MYO7B: variants seen among roughly 807,000 people sequenced by gnomAD.
MYO7B encodes unconventional myosin-VIIb.
In MYO7B, 212 loss-of-function variants were observed where a neutral mutation model predicts 259.7. That is an observed-to-expected ratio of 0.82 (90% CI 0.73 to 0.91). The LOEUF is 0.91. Ranked by LOEUF, MYO7B falls within the 40% of genes least tolerant of loss-of-function variation. The pLI is 0.00. For missense variants in MYO7B, 2,732 were observed against 2,813.5 expected, an observed-to-expected ratio of 0.97 and a Z score of 0.66; for synonymous variants, 1,197 against 1,166.4, an observed-to-expected ratio of 1.03 and a Z score of -0.54.
intron 2 of MYO7B, among the ~76,000 whole-genome samples, chr2:127,563,664 CCT>C (rs1445157908): frequency 6.6e-6 from 1 of 152,118 alleles, no homozygotes; most frequent in African/African-American, 2.4e-5. Flanking sequence ...TGAACTTTGC[CCT>C]CTCTTTCTGG....
In MYO7B at chr2:127,590,735, A is replaced by C. The variant is rs1190385663; in HGVS notation, c.1992+506A>C. On this transcript the variant is annotated intron_variant, in intron 16 of 47. Coordinates refer to ENST00000409816, the MANE Select transcript of MYO7B (RefSeq NM_001393586.1). This position sits in a 1 kb window ranked among gnomAD's most constrained non-coding sequence, Gnocchi z 4.6. ...AGCCCACACTCCCTGCCCACAACGG[A>C]GTCCCTGCTCCATTGGGTGGGGAGT... Among the ~76,000 whole-genome samples, 1 of 152,222 alleles carries C rather than the reference A, an allele frequency of 6.6e-6. No homozygotes were observed. The highest frequency in any genetic ancestry group is 1.5e-5 in the Non-Finnish European group (1 of 68,028).
At chr2:127,566,884 A>G in intron 5 of MYO7B, 57 bp downstream of exon 5, 1 of 1,544,228 alleles carries the variant, frequency 6.5e-7, no homozygotes, top group African/African-American at 1.4e-5. Context: ...GCTCCCCACC[A>G]GCATGCCTGC....
rs1678357226 is a variant in MYO7B, at chr2:127,566,658, ATCCTGGTGGCCGTCAACCCGT to A, written c.305_325del (p.Leu102_Phe108del). 6 of 1,593,792 alleles carry A rather than the reference ATCCTGGTGGCCGTCAACCCGT, an allele frequency of 3.8e-6. No homozygotes were observed. The highest frequency in any genetic ancestry group is 5.1e-6 in the Non-Finnish European group (6 of 1,171,276). On this transcript the variant is annotated inframe_deletion, in exon 5 of 48. Coordinates refer to ENST00000409816, the MANE Select transcript of MYO7B (RefSeq NM_001393586.1). ...TCCTTCCCAGACATACACAGGCTCC[ATCCTGGTGGCCGTCAACCCGT>A]TCCAGGTGCTGCCGCTCTACACCCT... is the stretch of plus-strand genomic sequence containing the variant.
chr2:127,596,841 C>G (rs543814953), intron 19 of MYO7B, among the ~76,000 whole-genome samples: 2 of 152,372 alleles, frequency 1.3e-5, no homozygotes, highest in Non-Finnish European at 2.9e-5. Context: ...CGTTCCACTT[C>G]CATTATATCA....
intron 26 of MYO7B, among the ~76,000 whole-genome samples, chr2:127,617,141 G>A (rs1001480371): frequency 2.6e-5 from 4 of 152,114 alleles, no homozygotes; most frequent in Non-Finnish European, 5.9e-5. Flanking sequence ...AACCTCCCAA[G>A]TCCTCTGCAC....
chr2:127,572,968 T>C (rs1678709776), intron 6 of MYO7B, among the ~76,000 whole-genome samples: 1 of 152,146 alleles, frequency 6.6e-6, no homozygotes, highest in East Asian at 1.9e-4. Flanking sequence ...TCAGATTCTT[T>C]CTTAAAGAGA....
chr2:127,609,501 C>T lies in MYO7B; in HGVS notation c.2815-5C>T, dbSNP rs566063342. 40 of 1,608,448 alleles carry T rather than the reference C, an allele frequency of 2.5e-5. No homozygotes were observed. In the East Asian group the frequency reaches 4.5e-4, roughly 18 times the overall value. ...CTGACCCGTGTTCTCCCTCAATGGC[C>T]GTAGGATCTGGAATCGAAGACCCAG... On this transcript the variant is annotated splice_region_variant and splice_polypyrimidine_tract_variant and intron_variant, in intron 22 of 47. Transcript: ENST00000409816. This position sits in a 1 kb window ranked among gnomAD's most constrained non-coding sequence, Gnocchi z 6.9.
chr2:127,538,830 G>C (rs1474611458), intron 1 of MYO7B, among the ~76,000 whole-genome samples: 1 of 152,172 alleles, frequency 6.6e-6, no homozygotes, highest in Non-Finnish European at 1.5e-5. Context: ...CTCCCAAAGT[G>C]CTGGGATTAC....
chr2:127,574,409 A>T (rs1274843085), intron 7 of MYO7B, among the ~76,000 whole-genome samples: 1 of 152,168 alleles, frequency 6.6e-6, no homozygotes, highest in Non-Finnish European at 1.5e-5. Context: ...AGGCAGTGGC[A>T]CACGCCTGTA....
chr2:127,577,996 T>C lies in MYO7B; in HGVS notation c.850-137T>C. 3 of 989,576 alleles carry C rather than the reference T, an allele frequency of 3.0e-6. No homozygotes were observed. Among genetic ancestry groups the C allele is most frequent in the Admixed American group, 2.7e-5 (1 of 36,726 alleles). 61.3% of individuals were successfully genotyped at this position (989,576 alleles called of 1,614,324 possible). A position where few individuals can be genotyped will look rare whatever the true frequency, so the allele number is the denominator to read the frequency against. ...GGCTACTGTGTCATGATTCTGCCTC[T>C]GAAAAGAGTTTTTGAGCGTGGACCC... On this transcript the variant is annotated intron_variant, in intron 8 of 47. Coordinates refer to ENST00000409816, the MANE Select transcript of MYO7B (RefSeq NM_001393586.1). The surrounding 1 kb of genome is among the most constrained non-coding windows in gnomAD (Gnocchi z 5.2).
At chr2:127,589,980 A>G in intron 15 of MYO7B, 112 bp from the exon 16 acceptor site, 8 of 1,244,350 alleles carry the variant, frequency 6.4e-6, no homozygotes, top group Non-Finnish European at 8.9e-6. Context: ...GAATAGGTAG[A>G]TGCACCACCC....
At chr2:127,557,708 A>T (rs1353627858) in intron 1 of MYO7B, among the ~76,000 whole-genome samples, 1 of 152,200 alleles carries the variant, frequency 6.6e-6, no homozygotes, top group Non-Finnish European at 1.5e-5. Flanking sequence ...CAGCCAACTG[A>T]CCTTCAACAA....
At chr2:127,603,770 C>G (rs768168214) in intron 19 of MYO7B, among the ~76,000 whole-genome samples, 1 of 152,230 alleles carries the variant, frequency 6.6e-6, no homozygotes, top group African/African-American at 2.4e-5. Flanking sequence ...ACTGAACTCT[C>G]TATACCTCTC....
intron 19 of MYO7B, among the ~76,000 whole-genome samples, chr2:127,596,873 G>C (rs1679791695): frequency 6.6e-6 from 1 of 152,254 alleles, no homozygotes; most frequent in Non-Finnish European, 1.5e-5. Context: ...TTTGGGTTGT[G>C]AGGCAATTTG....
intron 4 of MYO7B, among the ~76,000 whole-genome samples, chr2:127,566,076 G>T (rs2104871763): frequency 6.6e-6 from 1 of 152,352 alleles, no homozygotes; most frequent in Non-Finnish European, 1.5e-5. Context: ...TCATCTGGTG[G>T]CACAGCCTGA....
intron 31 of MYO7B, 36 bp from the exon 32 acceptor site, chr2:127,626,939 C>A: frequency 1.9e-6 from 3 of 1,555,834 alleles, no homozygotes; most frequent in Non-Finnish European, 2.6e-6. Context: ...CTAGGGAAGG[C>A]AGGTGACGGA....
At position 127,607,186 on chromosome 2, in the gene MYO7B, CCT is replaced by C. The variant is rs751517123; in HGVS notation, c.2425-13_2425-12del. On this transcript the variant is annotated intron_variant, in intron 20 of 47. Transcript: ENST00000409816. This position sits in a 1 kb window ranked among gnomAD's most constrained non-coding sequence, Gnocchi z 4.4. ...GAAGGCCTTCTTGCCCCTGATCTCACCTCTCTCTTGCCTCCGCAGATCCTCGT... is the reference window on the plus strand; with the variant it reads ...GAAGGCCTTCTTGCCCCTGATCTCACCTCTCTTGCCTCCGCAGATCCTCGT... The C allele has an allele frequency of 3.0e-5, 46 of 1,539,666 alleles. No individual in the cohort carries two copies. Among genetic ancestry groups the C allele is most frequent in the Non-Finnish European group, 3.8e-5 (43 of 1,140,490 alleles).
At position 127,609,682 on chromosome 2, in the gene MYO7B, G is replaced by T. The variant is rs768776519; in HGVS notation, c.2991G>T (p.Pro997=). Residue 997 remains proline (P), a synonymous_variant, in exon 23 of 48, where the codon CCG becomes CCT. Transcript: ENST00000409816. This position sits in a 1 kb window ranked among gnomAD's most constrained non-coding sequence, Gnocchi z 6.9. ...HTHIRRPLRY[P]LLYHEDDTDC... ...ACATCCGGCGGCCCCTCCGATACCC[G>T]TTGCTTTACCACGAAGATGACACTG... 1.2e-6 allele frequency: 2 copies of T among 1,613,954 alleles called. No individual in the cohort carries two copies. The highest frequency in any genetic ancestry group is 1.7e-6 in the Non-Finnish European group (2 of 1,179,880).
At chr2:127,598,631 A>T (rs1679852932) in intron 19 of MYO7B, among the ~76,000 whole-genome samples, 1 of 152,206 alleles carries the variant, frequency 6.6e-6, no homozygotes, top group South Asian at 2.1e-4. Flanking sequence ...TCGTGCTTTT[A>T]GTGTTAAGTC....
Sources: allele counts gnomAD v4.1 joint callset (sites outside exome capture counted in the v4.1 genomes callset), GRCh38; gene constraint gnomAD v4.1.1; non-coding constraint Gnocchi (gnomAD v3.1); transcripts MANE v1.5; gene names NCBI Gene and HGNC (gene_info 2026-07-23, HGNC 2026-07-21).